The following ODAD2 variants were observed in gnomAD, a reference collection of about 807,000 sequenced individuals.
ODAD2 encodes outer dynein arm-docking complex subunit 2.
ODAD2 carries 89 observed loss-of-function variants against 106.8 expected under a neutral mutation model. That is an observed-to-expected ratio of 0.83 (90% CI 0.70 to 0.99). The LOEUF is 0.99. Among genes scored for constraint, ODAD2 ranks in the 50% least tolerant of loss-of-function variants. ODAD2 has a pLI of 0.00. For missense variants in ODAD2, 1,168 were observed against 1,238.5 expected, an observed-to-expected ratio of 0.94 and a Z score of 0.85; for synonymous variants, 404 against 436.2, an observed-to-expected ratio of 0.93 and a Z score of 0.92.
chr10:27,826,377 G>A (rs545028793), intron 19 of ODAD2, among the ~76,000 whole-genome samples: 53 of 152,126 alleles, frequency 3.5e-4, no homozygotes, highest in African/African-American at 1.1e-3. Context: ...TCGGCTCTCC[G>A]TGTTGCCCGG....
intron 17 of ODAD2, chr10:27,905,218 G>C (rs1843503200): frequency 1.2e-5 from 2 of 163,504 alleles, no homozygotes; most frequent in Admixed American, 1.2e-4. Context: ...GTTATTTTCA[G>C]TTCAAAAAAA....
At chr10:27,832,313 C>T (rs1018902414) in intron 19 of ODAD2, among the ~76,000 whole-genome samples, 3 of 152,210 alleles carry the variant, frequency 2.0e-5, no homozygotes, top group African/African-American at 7.2e-5. Flanking sequence ...TCACACCTTA[C>T]TTGTACACAG....
chr10:27,834,801 T>C (rs1837737961), intron 19 of ODAD2, among the ~76,000 whole-genome samples: 1 of 152,210 alleles, frequency 6.6e-6, no homozygotes, highest in African/African-American at 2.4e-5. Flanking sequence ...AATTCTCAGA[T>C]GTCCTTGTTT....
chr10:27,922,946 A>G (rs1172274247), intron 16 of ODAD2, among the ~76,000 whole-genome samples: 1 of 150,700 alleles, frequency 6.6e-6, no homozygotes, highest in Non-Finnish European at 1.5e-5. Context: ...AACAAACAAA[A>G]AACAAAAAAA....
At chr10:27,818,804 A>G (rs1589742847) in intron 19 of ODAD2, among the ~76,000 whole-genome samples, 2 of 152,164 alleles carry the variant, frequency 1.3e-5, no homozygotes, top group Admixed American at 1.3e-4. Context: ...GAAGTGAAAT[A>G]AAGTCCTAGT....
chr10:27,918,246 T>A (rs917483025), intron 16 of ODAD2, among the ~76,000 whole-genome samples: 29 of 151,750 alleles, frequency 1.9e-4, no homozygotes, highest in African/African-American at 6.5e-4. Flanking sequence ...AATCAACATA[T>A]CTCATGAACA....
In ODAD2 at chr10:27,873,865, A is replaced by C. The variant is rs1252311610; in HGVS notation, c.2611-11243T>G. Reference sequence around the variant, plus strand: ...GGGGTGGAGAGTTCTGTAGGTGTCTATTAGGTCCACTTGGTGCAGAGCTGA... The same window carrying C: ...GGGGTGGAGAGTTCTGTAGGTGTCTCTTAGGTCCACTTGGTGCAGAGCTGA... On this transcript the variant is annotated intron_variant, in intron 17 of 19. Coordinates refer to ENST00000305242, the MANE Select transcript of ODAD2 (RefSeq NM_018076.5). Among the ~76,000 whole-genome samples, 5 of 152,288 alleles carry C rather than the reference A, an allele frequency of 3.3e-5. No homozygotes were observed. In the East Asian group the frequency reaches 9.6e-4, roughly 29 times the overall value.
At chr10:27,988,333 C>T (rs1392115617) in intron 2 of ODAD2, among the ~76,000 whole-genome samples, 1 of 141,486 alleles carries the variant, frequency 7.1e-6, no homozygotes, top group Non-Finnish European at 1.5e-5. Flanking sequence ...AACACCTGAT[C>T]TAGCTTTTTT....
chr10:27,927,238 C>T (rs6481494), intron 16 of ODAD2, among the ~76,000 whole-genome samples: 24,389 of 152,002 alleles, frequency 0.16, 2,966 homozygotes, highest in African/African-American at 0.34. Context: ...TTCTACTCCA[C>T]AAAGTTAATA....
intron 19 of ODAD2, among the ~76,000 whole-genome samples, chr10:27,838,926 C>T (rs1002524277): frequency 6.6e-6 from 1 of 152,174 alleles, no homozygotes; most frequent in African/African-American, 2.4e-5. Context: ...GTCAGGAAAG[C>T]GTCTTTCTTT....
At chr10:27,924,886 T>TA (rs1369851496) in intron 16 of ODAD2, among the ~76,000 whole-genome samples, 2 of 151,074 alleles carry the variant, frequency 1.3e-5, no homozygotes, top group Non-Finnish European at 3.0e-5. Flanking sequence ...AATAATTTTT[T>TA]AAAAAACTGT....
intron 17 of ODAD2, among the ~76,000 whole-genome samples, chr10:27,877,438 C>G (rs1841415384): frequency 6.6e-6 from 1 of 152,184 alleles, no homozygotes; most frequent in Non-Finnish European, 1.5e-5. Flanking sequence ...CCTAATGACT[C>G]CTAATCTGTG....
chr10:27,911,940 A>T (rs1202905391), intron 16 of ODAD2, among the ~76,000 whole-genome samples: 1 of 152,222 alleles, frequency 6.6e-6, no homozygotes, highest in African/African-American at 2.4e-5. Flanking sequence ...ACTCTTTTTC[A>T]TTGCATCAAA....
At position 27,976,953 on chromosome 10, in the gene ODAD2, A is replaced by G. The variant is rs975195733; in HGVS notation, c.936+4513T>C. On this transcript the variant is annotated intron_variant, in intron 7 of 19. Coordinates refer to ENST00000305242, the MANE Select transcript of ODAD2 (RefSeq NM_018076.5). ...ACATTCACAGACAAATGAACGACTA[A>G]TTTTTGACAAAGTTATAAAGGTAAT... 2.0e-5 allele frequency among the ~76,000 whole-genome samples: 3 copies of G among 152,330 alleles called. 1 individual carries two copies. In the East Asian group the frequency reaches 5.8e-4, roughly 29 times the overall value.
chr10:27,907,197 C>G (rs1277595468), intron 17 of ODAD2, among the ~76,000 whole-genome samples: 1 of 152,118 alleles, frequency 6.6e-6, no homozygotes, highest in East Asian at 1.9e-4. Context: ...TTTTTAGTGA[C>G]AGATAAGAAA....
chr10:27,828,495 C>T (rs576071699), intron 19 of ODAD2, among the ~76,000 whole-genome samples: 5 of 152,278 alleles, frequency 3.3e-5, no homozygotes, highest in African/African-American at 9.6e-5. Flanking sequence ...AAGGTAACTA[C>T]AGGTAAGTTT....
intron 19 of ODAD2, 120 bp downstream of exon 19, chr10:27,860,505 G>A: frequency 1.2e-6 from 1 of 851,562 alleles, no homozygotes; most frequent in Admixed American, 2.4e-5. Context: ...CCATGATGCA[G>A]CAGGCAGGCA....
chr10:27,954,611 A>G lies in ODAD2; in HGVS notation c.1386+6957T>C, dbSNP rs532105957. 1.4e-4 allele frequency among the ~76,000 whole-genome samples: 22 copies of G among 152,254 alleles called. 1 individual carries two copies. The highest frequency in any genetic ancestry group is 1.9e-4 in the Non-Finnish European group (13 of 68,040). Reference sequence around the variant, plus strand: ...TAAGTTGATGTGGTAGCATAGTGCTAGCTAGTGGTCGCATAAACTGTTATG... The same window carrying G: ...TAAGTTGATGTGGTAGCATAGTGCTGGCTAGTGGTCGCATAAACTGTTATG... On this transcript the variant is annotated intron_variant, in intron 10 of 19. Transcript: ENST00000305242.
Position 27,944,251 on chromosome 10 carries a change from C to T in ODAD2, c.1714G>A (p.Val572Met). Residue 572 changes from valine (V) to methionine (M), a missense_variant, in exon 12 of 20, where the codon GTG becomes ATG. Transcript: ENST00000305242. ...TTGGTGATACCCCCGTGCTGCCTCA[C>T]CACCCGCCGTGCTCTTTTAAACTTG... ...VAKFKRARRV[V>M]RQHGGITKLV... 6.2e-7 allele frequency: 1 copy of T among 1,613,376 alleles called. No individual in the cohort carries two copies.
Sources: allele counts gnomAD v4.1 joint callset (sites outside exome capture counted in the v4.1 genomes callset), GRCh38; gene constraint gnomAD v4.1.1; transcripts MANE v1.5; gene names NCBI Gene and HGNC (gene_info 2026-07-23, HGNC 2026-07-21).